Variants in NINL observed in about 807,000 individuals in gnomAD.
NINL encodes ninein-like protein.
Under a neutral mutation model 160.3 loss-of-function variants are expected in NINL, and 153 were observed. The ratio of observed to expected loss-of-function variants is 0.95; its 90% confidence interval spans 0.84 to 1.09. The LOEUF (loss-of-function observed/expected upper bound fraction) is 1.09, where lower values mean the gene tolerates loss of function less well. Ranked by LOEUF, NINL falls within the 50% of genes least tolerant of loss-of-function variation. The pLI, the probability that NINL is intolerant of heterozygous loss-of-function variation, is 0.00. For missense variants in NINL, 1,829 were observed against 1,764.0 expected, an observed-to-expected ratio of 1.04 and a Z score of -0.66; for synonymous variants, 800 against 734.8, an observed-to-expected ratio of 1.09 and a Z score of -1.43.
chr20:25,500,997 C>T lies in NINL; in HGVS notation c.875G>A (p.Ser292Asn), dbSNP rs771031994. 4 of 1,614,020 alleles carry T rather than the reference C, an allele frequency of 2.5e-6. No homozygotes were observed. The highest frequency in any genetic ancestry group is 3.3e-5 in the Admixed American group (2 of 60,004). The change falls in exon 8 of 24, where the codon AGC (serine) becomes AAC (asparagine). Residue 292 changes from serine (S) to asparagine (N), a missense_variant. Coordinates refer to ENST00000278886, the MANE Select transcript of NINL (RefSeq NM_025176.6). ...AWSHYQVPEESGCHTTTTSSL... is the reference protein window; with the variant it reads ...AWSHYQVPEENGCHTTTTSSL... ...TGAGGTTGTGGTGGTGTGGCAGCCG[C>T]TCTCCTCTGGGACCTGCATGTCAGG...
chr20:25,536,763 C>CTA (rs11474695), intron 1 of NINL, among the ~76,000 whole-genome samples: 1 of 508 alleles, frequency 2.0e-3, no homozygotes, highest in Non-Finnish European at 0.021. Flanking sequence ...CAACATCAGC[C>CTA]CATAAAGCCA....
intron 1 of NINL, among the ~76,000 whole-genome samples, chr20:25,551,864 A>G (rs2064810613): frequency 6.6e-6 from 1 of 152,168 alleles, no homozygotes. Flanking sequence ...TGAGGAGTTA[A>G]ACTTGGCTTG....
At chr20:25,503,060 C>T (rs958837572) in intron 7 of NINL, among the ~76,000 whole-genome samples, 5 of 152,254 alleles carry the variant, frequency 3.3e-5, no homozygotes, top group Non-Finnish European at 7.3e-5. Context: ...TGCCACATTC[C>T]TCACCTGAGC....
intron 1 of NINL, among the ~76,000 whole-genome samples, chr20:25,569,458 T>G (rs537874884): frequency 6.6e-6 from 1 of 152,278 alleles, no homozygotes; most frequent in African/African-American, 2.4e-5. Flanking sequence ...AGCGCCACAG[T>G]GCTGGGTTGG....
At chr20:25,582,243 G>C (rs1206596820) in intron 1 of NINL, among the ~76,000 whole-genome samples, 1 of 152,194 alleles carries the variant, frequency 6.6e-6, no homozygotes, top group Non-Finnish European at 1.5e-5. Context: ...GACAGAGCGA[G>C]ACTCCATATC....
At chr20:25,557,514 G>C (rs917699776) in intron 1 of NINL, among the ~76,000 whole-genome samples, 1 of 151,578 alleles carries the variant, frequency 6.6e-6, no homozygotes, top group African/African-American at 2.4e-5. Context: ...CTGGGCAACA[G>C]AGCGAAACTC....
At chr20:25,530,499 G>A (rs961923529) in intron 1 of NINL, among the ~76,000 whole-genome samples, 2 of 152,052 alleles carry the variant, frequency 1.3e-5, no homozygotes, top group East Asian at 1.9e-4. Context: ...TAATCTGAGG[G>A]GCAGGGGAGT....
intron 1 of NINL, among the ~76,000 whole-genome samples, chr20:25,570,894 G>A (rs1021466379): frequency 2.0e-5 from 3 of 151,596 alleles, no homozygotes; most frequent in Middle Eastern, 6.9e-3. Flanking sequence ...GTAAAGACGG[G>A]GTTTCACCAT....
intron 19 of NINL, among the ~76,000 whole-genome samples, chr20:25,465,516 A>C (rs187002407): frequency 0.017 from 2,531 of 152,046 alleles, 26 homozygotes; most frequent in Non-Finnish European, 0.026. Flanking sequence ...GACACCCCCC[A>C]CGACACTCCT....
At chr20:25,556,380 T>C (rs1353204285) in intron 1 of NINL, among the ~76,000 whole-genome samples, 1 of 152,198 alleles carries the variant, frequency 6.6e-6, no homozygotes, top group African/African-American at 2.4e-5. Flanking sequence ...TCCCAGCACT[T>C]TGTGAAGTCA....
At chr20:25,541,716 A>G (rs1403849847) in intron 1 of NINL, among the ~76,000 whole-genome samples, 1 of 152,258 alleles carries the variant, frequency 6.6e-6, no homozygotes, top group Non-Finnish European at 1.5e-5. Context: ...CATCAGTATC[A>G]ACTTCTAACA....
intron 1 of NINL, among the ~76,000 whole-genome samples, chr20:25,546,099 G>A (rs370038617): frequency 2.3e-4 from 35 of 151,948 alleles, no homozygotes; most frequent in Middle Eastern, 6.8e-3. Context: ...AGACAGAGTC[G>A]TGCCCTAACT....
At chr20:25,573,189 C>T (rs181951548) in intron 1 of NINL, among the ~76,000 whole-genome samples, 132 of 151,576 alleles carry the variant, frequency 8.7e-4, no homozygotes, top group African/African-American at 3.0e-3. Flanking sequence ...GCCAGCTACT[C>T]GGGAGGCTGA....
At chr20:25,474,144 G>A (rs567074033) in intron 17 of NINL, among the ~76,000 whole-genome samples, 2 of 152,336 alleles carry the variant, frequency 1.3e-5, no homozygotes, top group African/African-American at 4.8e-5. Context: ...GGAGGCAGAA[G>A]AGTCAGTGTT....
intron 1 of NINL, among the ~76,000 whole-genome samples, chr20:25,556,882 G>C (rs568316413): frequency 2.6e-5 from 4 of 152,220 alleles, no homozygotes; most frequent in Admixed American, 2.6e-4. Context: ...ATAGAATACA[G>C]AACACAACTA....
At chr20:25,575,378 C>T (rs1019788000) in intron 1 of NINL, among the ~76,000 whole-genome samples, 42 of 143,810 alleles carry the variant, frequency 2.9e-4, no homozygotes, top group African/African-American at 9.1e-4. Flanking sequence ...ACCCAGAAGG[C>T]GGAGCTTGCA....
In NINL at chr20:25,584,475, CAACAAG is replaced by C. The variant is rs1396234839; in HGVS notation, c.-12+974_-12+979del. On this transcript the variant is annotated intron_variant, in intron 1 of 23. Coordinates refer to ENST00000278886, the MANE Select transcript of NINL (RefSeq NM_025176.6). ...AACTTCGTTTCAAAAACAGCAACAA[CAACAAG>C]AACAACAACAAGAAGAACAAAAACT... Among the ~76,000 whole-genome samples, 12 of 152,118 alleles carry C rather than the reference CAACAAG, an allele frequency of 7.9e-5. No individual in the cohort carries two copies. The East Asian group carries it at 2.3e-3, about 29-fold the overall frequency.
chr20:25,455,967 G>A (rs1014883432), intron 22 of NINL, among the ~76,000 whole-genome samples, 181 bp from the exon 23 acceptor site: 59 of 152,016 alleles, frequency 3.9e-4, no homozygotes, highest in African/African-American at 7.2e-4. Context: ...GTGGTGGTGC[G>A]TACCTGTAAT....
At position 25,462,375 on chromosome 20, in the gene NINL, C is replaced by A; in HGVS notation, c.3582+8G>T. On this transcript the variant is annotated splice_region_variant and intron_variant, in intron 20 of 23. Coordinates refer to ENST00000278886, the MANE Select transcript of NINL (RefSeq NM_025176.6). ...CCAGCTCAGCTCCCTGCGGCTGAGGCCACCCACCTGCTGCTGCCCACTGCG... is the reference window on the plus strand; with the variant it reads ...CCAGCTCAGCTCCCTGCGGCTGAGGACACCCACCTGCTGCTGCCCACTGCG... 7.3e-7 allele frequency: 1 copy of A among 1,364,068 alleles called. No individual in the cohort carries two copies. Among genetic ancestry groups the A allele is most frequent in the Non-Finnish European group, 9.6e-7 (1 of 1,044,206 alleles). The allele number at this position is 1,364,068 out of a possible 1,614,324, so 84.5% of individuals were successfully genotyped here.
Sources: gnomAD v4.1 joint callset for allele counts (sites outside exome capture counted in the v4.1 genomes callset) on GRCh38, gnomAD v4.1.1 for gene constraint, MANE v1.5 for transcripts, NCBI Gene and HGNC (gene_info 2026-07-23, HGNC 2026-07-21) for gene names.